Variants in CCDC60 observed in about 807,000 individuals in gnomAD.
CCDC60 encodes the protein coiled-coil domain containing 60, also known as coiled-coil domain-containing protein 60.
In CCDC60, 54 loss-of-function variants were observed where a neutral mutation model predicts 63.5. That is an observed-to-expected ratio of 0.85 (90% confidence interval 0.68 to 1.07). CCDC60 has a LOEUF of 1.07. CCDC60 is among the 50% of genes least tolerant of loss of function. The pLI, the probability that CCDC60 is intolerant of heterozygous loss-of-function variation, is 0.00. For missense variants in CCDC60, 651 were observed against 684.3 expected (o/e 0.95, Z 0.54); for synonymous variants, 206 against 238.8 (o/e 0.86, Z 1.27).
At chr12:119,527,666 C>T (rs10705609) in intron 11 of CCDC60, among the ~76,000 whole-genome samples, 17 of 84,962 alleles carry the variant, frequency 2.0e-4, no homozygotes, top group East Asian at 6.8e-4. Flanking sequence ...TTCTTTCTTT[C>T]TTTTTTTTTT....
At chr12:119,466,912 C>G (rs754808899) in intron 2 of CCDC60, among the ~76,000 whole-genome samples, 1 of 152,220 alleles carries the variant, frequency 6.6e-6, no homozygotes, top group African/African-American at 2.4e-5. Context: ...AGGGAAGAAG[C>G]ACCTTTCCAT....
chr12:119,448,929 CATTA>C (rs1003076553), intron 2 of CCDC60, among the ~76,000 whole-genome samples: 2 of 152,114 alleles, frequency 1.3e-5, no homozygotes, highest in African/African-American at 2.4e-5. Flanking sequence ...CGCTGACTCA[CATTA>C]ATTAAACAGA....
intron 1 of CCDC60, among the ~76,000 whole-genome samples, chr12:119,361,006 T>C (rs7314934): frequency 0.66 from 99,484 of 151,158 alleles, 33,083 homozygotes; most frequent in East Asian, 0.83. Flanking sequence ...CGTGGCGGCG[T>C]GCGCCTGCAA....
At chr12:119,521,677 G>GT (rs1369221396) in intron 9 of CCDC60, among the ~76,000 whole-genome samples, 1 of 152,070 alleles carries the variant, frequency 6.6e-6, no homozygotes, top group Non-Finnish European at 1.5e-5. Flanking sequence ...AGGCAGACGG[G>GT]TTTTTTGTTG....
At chr12:119,401,777 C>G (rs548524355) in intron 1 of CCDC60, among the ~76,000 whole-genome samples, 1 of 152,330 alleles carries the variant, frequency 6.6e-6, no homozygotes, top group Non-Finnish European at 1.5e-5. Flanking sequence ...GTGCACAGTA[C>G]ATTGTAAAGC....
intron 6 of CCDC60, among the ~76,000 whole-genome samples, chr12:119,503,014 A>G (rs905902955): frequency 6.6e-6 from 1 of 151,976 alleles, no homozygotes; most frequent in Non-Finnish European, 1.5e-5. Context: ...ACCAAAAATA[A>G]CAACAACAAC....
intron 6 of CCDC60, among the ~76,000 whole-genome samples, chr12:119,501,459 T>TGTTTATTAAACATA (rs903655978): frequency 6.6e-6 from 1 of 152,238 alleles, no homozygotes; most frequent in Non-Finnish European, 1.5e-5. Context: ...ATTCTGGGTC[T>TGTTTATTAAACATA]GTTTATTAAA....
In CCDC60 at chr12:119,335,104, A is replaced by G; in HGVS notation, c.-73A>G. 1 of 1,216,848 alleles carries G rather than the reference A, an allele frequency of 8.2e-7. No individual in the cohort carries two copies. Among genetic ancestry groups the G allele is most frequent in the Non-Finnish European group, 1.2e-6 (1 of 853,670 alleles). The allele number at this position is 1,216,848 out of a possible 1,614,324, so 75.4% of individuals were successfully genotyped here. A position where few individuals can be genotyped will look rare whatever the true frequency, so the allele number is the denominator to read the frequency against. ...AGTTGCCGAAACTTCTCATACCAGT[A>G]ACTACTGAAGTAGAAGATTCTGGAA... On this transcript the variant is annotated 5_prime_UTR_variant, in exon 1 of 14. Transcript: ENST00000327554.
At chr12:119,520,975 A>G (rs1952511009) in intron 9 of CCDC60, among the ~76,000 whole-genome samples, 2 of 152,182 alleles carry the variant, frequency 1.3e-5, no homozygotes, top group South Asian at 2.1e-4. Flanking sequence ...ATAAACTTTT[A>G]TGTGCCATAG....
At chr12:119,384,020 C>T (rs1453587208) in intron 1 of CCDC60, among the ~76,000 whole-genome samples, 1 of 151,980 alleles carries the variant, frequency 6.6e-6, no homozygotes, top group Non-Finnish European at 1.5e-5. Context: ...CACGGTGAAA[C>T]CCCATCTCTA....
chr12:119,453,432 G>GC (rs1209848138), intron 2 of CCDC60, among the ~76,000 whole-genome samples: 1 of 152,196 alleles, frequency 6.6e-6, no homozygotes, highest in East Asian at 1.9e-4. Flanking sequence ...TTCCTATCCA[G>GC]CAAAGCAGAG....
chr12:119,536,589 C>T (rs1953013417), intron 13 of CCDC60, among the ~76,000 whole-genome samples: 1 of 152,128 alleles, frequency 6.6e-6, no homozygotes, highest in South Asian at 2.1e-4. Flanking sequence ...TTCCTTCAGG[C>T]ACTGTTGTAA....
At position 119,540,753 on chromosome 12, in the gene CCDC60, T is replaced by G; in HGVS notation, c.*38T>G. ...TTGACCAGCTGTCTCAGTGGAGGAG[T>G]GTTTGCCTATATCATGTTCCTGTAT... is the stretch of plus-strand genomic sequence containing the variant. On this transcript the variant is annotated 3_prime_UTR_variant, in exon 14 of 14. Coordinates refer to ENST00000327554, the MANE Select transcript of CCDC60 (RefSeq NM_178499.5). The G allele has an allele frequency of 1.4e-6, 2 of 1,393,232 alleles. No individual in the cohort carries two copies. Among genetic ancestry groups the G allele is most frequent in the Non-Finnish European group, 2.0e-6 (2 of 983,988 alleles). The allele number at this position is 1,393,232 out of a possible 1,614,324, so 86.3% of individuals were successfully genotyped here.
intron 4 of CCDC60, among the ~76,000 whole-genome samples, chr12:119,485,325 C>A (rs534565764): frequency 6.6e-6 from 1 of 152,340 alleles, no homozygotes; most frequent in South Asian, 2.1e-4. Context: ...TTTTGCCAGG[C>A]TGCAGGTGGT....
rs1390301552 is a variant in CCDC60 at position 119,522,977 on chromosome 12, A to G, written c.1079A>G (p.Gln360Arg). The change falls in exon 10 of 14, where the codon CAA becomes CGA. Residue 360 changes from glutamine (Q) to arginine (R), a missense_variant. Transcript: ENST00000327554. ...AGTACAAGTGCAGAAAGCCACATCC[A>G]ACCAGTCCAGAAGAAGTCTAAAAAG... ...SSSTSAESHIQPVQKKSKNRT... is the reference protein window; with the variant it reads ...SSSTSAESHIRPVQKKSKNRT... 5.6e-6 allele frequency: 9 copies of G among 1,614,008 alleles called. No individual in the cohort carries two copies. In the Admixed American group the frequency reaches 6.7e-5, roughly 12 times the overall value.
chr12:119,386,760 A>G (rs1956067559), intron 1 of CCDC60, among the ~76,000 whole-genome samples: 1 of 152,170 alleles, frequency 6.6e-6, no homozygotes, highest in Non-Finnish European at 1.5e-5. Context: ...ACTCAGAAAA[A>G]TGTAGGAGAC....
At chr12:119,522,916 G>A (rs1952568519) in intron 9 of CCDC60, 23 bp from the exon 10 acceptor site, 1 of 1,613,454 alleles carries the variant, frequency 6.2e-7, no homozygotes, top group African/African-American at 1.3e-5. Context: ...TGAGCAACTT[G>A]AAACCATCCT....
chr12:119,428,707 A>T lies in CCDC60; in HGVS notation c.115A>T (p.Ile39Phe). 6.2e-7 allele frequency: 1 copy of T among 1,607,134 alleles called. No homozygotes were observed. Among genetic ancestry groups the T allele is most frequent in the Middle Eastern group, 1.7e-4 (1 of 6,052 alleles). ...GGTCCCAGACAAGCCAATGAAGAGC[A>T]TCAAGTATATGGACAAGGAAATAAT... ...RQVPDKPMKS[I>F]KYMDKEIINL... The change falls in exon 2 of 14, where the codon ATC becomes TTC. Residue 39 changes from isoleucine (I) to phenylalanine (F), a missense_variant. Physicochemically the swap from Ile to Phe is conservative, Grantham distance 21. Coordinates refer to ENST00000327554, the MANE Select transcript of CCDC60 (RefSeq NM_178499.5).
chr12:119,449,117 TA>T (rs1950588921), intron 2 of CCDC60, among the ~76,000 whole-genome samples: 1 of 152,114 alleles, frequency 6.6e-6, no homozygotes, highest in Admixed American at 6.5e-5. Context: ...GGTCTATGTG[TA>T]TGTGTATGTA....
Sources: gnomAD v4.1 joint callset for allele counts (sites outside exome capture counted in the v4.1 genomes callset) on GRCh38, gnomAD v4.1.1 for gene constraint, MANE v1.5 for transcripts, NCBI Gene and HGNC (gene_info 2026-07-23, HGNC 2026-07-21) for gene names.